Variants in ZNF253 observed in about 807,000 individuals in gnomAD.
The protein encoded by ZNF253 is DNA-binding protein.
In ZNF253, 8 loss-of-function variants were observed where a neutral mutation model predicts 11.9. The observed-to-expected ratio is 0.67, with a 90% CI of 0.40 to 1.22. The LOEUF is 1.22. ZNF253 is among the 50% of genes most tolerant of loss of function. The pLI is 0.01. For synonymous variants in ZNF253, 194 were observed against 194.9 expected (o/e 1.00, Z 0.04); for missense variants, 485 against 586.9 (o/e 0.83, Z 1.79).
At position 19,880,144 on chromosome 19, in the gene ZNF253, C is replaced by T; in HGVS notation, c.224C>T (p.Pro75Leu). 1 of 1,601,114 alleles carries T rather than the reference C, an allele frequency of 6.2e-7. No individual in the cohort carries two copies. ...AGACATGAGATGATTGCCAAACCCC[C>T]AGGTAGGTACGAGTGAAAACGAATA... ...MERHEMIAKP[P>L]VMSSHFAQDL... Residue 75 changes from proline (P) to leucine (L), a missense_variant and splice_region_variant, in exon 3 of 4, where the codon CCA becomes CTA. Pro to Leu is a moderately conservative substitution (Grantham distance 98). Around this residue, in one of 3 missense-constraint regions of ZNF253, gnomAD observed 218 missense variants for 213.1 expected, o/e 1.02. Coordinates refer to ENST00000589717, the MANE Select transcript of ZNF253 (RefSeq NM_021047.3).
intron 3 of ZNF253, 25 bp from the exon 4 acceptor site, chr19:19,891,449 A>C (rs1310477401): frequency 6.5e-7 from 1 of 1,530,824 alleles, no homozygotes; most frequent in Non-Finnish European, 8.8e-7. Context: ...CAATTGAAGT[A>C]ATGTGTTTTT....
At chr19:19,865,871 G>T (rs1433314654), upstream of ZNF253, 23 of 1,234,496 alleles carry the variant, frequency 1.9e-5, no homozygotes, top group Non-Finnish European at 2.5e-5. Context: ...TCGCTGCAGC[G>T]GGAGCTCCAG....
At chr19:19,875,860 T>G (rs1474023344) in intron 1 of ZNF253, among the ~76,000 whole-genome samples, 3 of 152,226 alleles carry the variant, frequency 2.0e-5, no homozygotes, top group Non-Finnish European at 4.4e-5. Flanking sequence ...GCTTCCAGGG[T>G]ATTATGAGAA....
chr19:19,870,236 TA>T (rs1330292193), intron 1 of ZNF253, among the ~76,000 whole-genome samples: 1 of 151,664 alleles, frequency 6.6e-6, no homozygotes, highest in Non-Finnish European at 1.5e-5. Flanking sequence ...CTACTAAAAA[TA>T]AAAAATTAGC....
intron 1 of ZNF253, among the ~76,000 whole-genome samples, chr19:19,877,333 C>T (rs2063159690): frequency 6.6e-6 from 1 of 150,506 alleles, no homozygotes; most frequent in African/African-American, 2.4e-5. Flanking sequence ...TATTTACTTT[C>T]TTTGGGAGGA....
intron 3 of ZNF253, among the ~76,000 whole-genome samples, chr19:19,881,186 T>C (rs1459717412): frequency 6.6e-6 from 1 of 151,558 alleles, no homozygotes; most frequent in African/African-American, 2.4e-5. Flanking sequence ...ATCTTCCTTT[T>C]TTATTTATTT....
chr19:19,890,144 G>GT (rs1424271472), intron 3 of ZNF253, among the ~76,000 whole-genome samples: 1 of 152,134 alleles, frequency 6.6e-6, no homozygotes, highest in Non-Finnish European at 1.5e-5. Flanking sequence ...GAAATCAATT[G>GT]TTTTGGCTAG....
At chr19:19,884,569 A>C (rs2063190857) in intron 3 of ZNF253, among the ~76,000 whole-genome samples, 1 of 151,972 alleles carries the variant, frequency 6.6e-6, no homozygotes, top group Non-Finnish European at 1.5e-5. Context: ...ATGGTGTTTC[A>C]CCATGGTGGC....
intron 1 of ZNF253, among the ~76,000 whole-genome samples, chr19:19,876,617 AG>A (rs1347331716): frequency 6.6e-6 from 1 of 152,104 alleles, no homozygotes; most frequent in Non-Finnish European, 1.5e-5. Flanking sequence ...GCAGGTAAAC[AG>A]GTGGTGCTGA....
intron 1 of ZNF253, among the ~76,000 whole-genome samples, chr19:19,875,646 C>A (rs1323906661): frequency 6.6e-6 from 1 of 152,166 alleles, no homozygotes; most frequent in Non-Finnish European, 1.5e-5. Context: ...CCGCCCGCCT[C>A]GGCCTCCCAA....
In ZNF253 at chr19:19,865,940, G is replaced by A. The variant is rs1410710285; in HGVS notation, c.-57G>A. 1.2e-6 allele frequency: 2 copies of A among 1,612,828 alleles called. No homozygotes were observed. Among genetic ancestry groups the A allele is most frequent in the Non-Finnish European group, 1.7e-6 (2 of 1,178,948 alleles). On this transcript the variant is annotated 5_prime_UTR_variant, in exon 1 of 4. Transcript: ENST00000589717. ...AGAGGCCCGTCCTCTGTGGCCGTGT[G>A]ACCTGCAAGTATTGGGAGAGCCACA...
chr19:19,889,164 T>A (rs889614739), intron 3 of ZNF253, among the ~76,000 whole-genome samples: 1 of 151,938 alleles, frequency 6.6e-6, no homozygotes, highest in Non-Finnish European at 1.5e-5. Context: ...AGCTTCTTCA[T>A]GTTTACATTA....
intron 1 of ZNF253, 72 bp downstream of exon 1, chr19:19,866,071 A>AC: frequency 6.3e-7 from 1 of 1,598,878 alleles, no homozygotes; most frequent in Non-Finnish European, 8.6e-7. Flanking sequence ...CTCTGGCGGG[A>AC]CTCTGCTTCC....
In ZNF253 at chr19:19,892,866, G is replaced by A. The variant is rs1011106058; in HGVS notation, c.*119G>A. On this transcript the variant is annotated 3_prime_UTR_variant, in exon 4 of 4. Transcript: ENST00000589717. ...CACAAACCCTACAAATATAAAGAAT[G>A]TGACAAAGCTTTTTAAGGAAGTTCT... 4.1e-6 allele frequency: 4 copies of A among 979,826 alleles called. No homozygotes were observed. In the African/African-American group the frequency reaches 4.9e-5, roughly 12 times the overall value. 60.7% of individuals were successfully genotyped at this position (979,826 alleles called of 1,614,324 possible). A position where few individuals can be genotyped will look rare whatever the true frequency, so the allele number is the denominator to read the frequency against.
chr19:19,878,436 C>T lies in ZNF253; in HGVS notation c.4-45C>T, dbSNP rs748940996. 3 of 1,612,278 alleles carry T rather than the reference C, an allele frequency of 1.9e-6. No homozygotes were observed. In the Admixed American group the frequency reaches 5.0e-5, roughly 27 times the overall value. On this transcript the variant is annotated intron_variant, in intron 1 of 3. Transcript: ENST00000589717. ...TTCACCTTAAGTCAAATTAAAAATTCCTCTCATGCCATTTAGTAATTATGT... is the reference window on the plus strand; with the variant it reads ...TTCACCTTAAGTCAAATTAAAAATTTCTCTCATGCCATTTAGTAATTATGT...
At position 19,892,465 on chromosome 19, in the gene ZNF253, C is replaced by A; in HGVS notation, c.1218C>A (p.Thr406=). ...GTGATGAATGTGGCAAAACCTTTAC[C>A]TGGCCCTCAATCCTCTCCAAACATA... ...YKCDECGKTF[T]WPSILSKHKR... The change falls in exon 4 of 4, where the codon ACC becomes ACA. Residue 406 remains threonine, a synonymous_variant. Transcript: ENST00000589717. The A allele has an allele frequency of 6.2e-7, 1 of 1,613,314 alleles. No individual in the cohort carries two copies. The highest frequency in any genetic ancestry group is 1.1e-5 in the South Asian group (1 of 91,040).
intron 3 of ZNF253, among the ~76,000 whole-genome samples, chr19:19,882,451 T>C (rs901000149): frequency 2.6e-5 from 4 of 151,976 alleles, no homozygotes; most frequent in African/African-American, 9.7e-5. Context: ...GGGGCTTGGG[T>C]AGTTGTAATT....
intron 3 of ZNF253, among the ~76,000 whole-genome samples, chr19:19,883,577 AAAAAAG>A (rs148924396): frequency 0.022 from 3,357 of 152,280 alleles, 116 homozygotes; most frequent in African/African-American, 0.077. Context: ...CCTGTCTCAA[AAAAAAG>A]TTGTTCATTT....
Position 19,882,265 on chromosome 19 carries a change from G to C in ZNF253, c.226+2119G>C, listed in dbSNP as rs777882475. ...TAGTTTTGTATTGGTATCTAAATTT[G>C]ATGGAGCAAACACCTCTTCAAGTTT... On this transcript the variant is annotated intron_variant, in intron 3 of 3. Transcript: ENST00000589717. Among the ~76,000 whole-genome samples, 55 of 152,062 alleles carry C rather than the reference G, an allele frequency of 3.6e-4. No individual in the cohort carries two copies. The Middle Eastern group carries it at 0.014, about 38-fold the overall frequency.
Sources: gnomAD v4.1 joint callset for allele counts (sites outside exome capture counted in the v4.1 genomes callset) on GRCh38, gnomAD v4.1.1 for gene constraint, gnomAD v4.1.1 regional missense constraint, MANE v1.5 for transcripts, NCBI Gene and HGNC (gene_info 2026-07-23, HGNC 2026-07-21) for gene names.